Variants in SNRK observed in about 807,000 individuals in gnomAD.
The protein encoded by SNRK is SNF-related serine/threonine-protein kinase.
In SNRK, 3 loss-of-function variants were observed where a neutral mutation model predicts 48.2. The observed-to-expected ratio is 0.06, with a 90% confidence interval of 0.03 to 0.16. SNRK has a LOEUF of 0.16. Ranked by LOEUF, SNRK falls within the 10% of genes least tolerant of loss-of-function variation. SNRK has a pLI of 1.00. For missense variants in SNRK, 627 were observed against 976.0 expected (o/e 0.64, Z 4.76); for synonymous variants, 376 against 366.1 (o/e 1.03, Z -0.31).
In SNRK at chr3:43,347,315, C is replaced by T. The variant is rs547883631; in HGVS notation, c.1080-24C>T. 3.9e-6 allele frequency: 6 copies of T among 1,521,848 alleles called. No homozygotes were observed. The highest frequency in any genetic ancestry group is 1.4e-5 in the African/African-American group (1 of 71,854). The allele number at this position is 1,521,848 out of a possible 1,614,324, so 94.3% of individuals were successfully genotyped here. ...TGCATAATGATTATATGGCTTTTTT[C>T]CCCCCAATCTATCTGTTACATAGGC... On this transcript the variant is annotated intron_variant, in intron 6 of 6. Coordinates refer to ENST00000296088, the MANE Select transcript of SNRK (RefSeq NM_017719.5). The surrounding 1 kb of genome is among the most constrained non-coding windows in gnomAD (Gnocchi z 5.4).
intron 4 of SNRK, among the ~76,000 whole-genome samples, chr3:43,337,457 G>A (rs1235436695): frequency 6.6e-6 from 1 of 151,874 alleles, no homozygotes; most frequent in Non-Finnish European, 1.5e-5. Flanking sequence ...GTCTCACCCT[G>A]TCACCCAGGC....
intron 3 of SNRK, among the ~76,000 whole-genome samples, chr3:43,317,994 A>T (rs2091026023): frequency 6.6e-6 from 1 of 152,212 alleles, no homozygotes; most frequent in African/African-American, 2.4e-5. Flanking sequence ...TCACTGTCTC[A>T]GTGCTGCTGC....
chr3:43,340,056 A>T (rs908349869), intron 4 of SNRK, among the ~76,000 whole-genome samples: 5 of 151,584 alleles, frequency 3.3e-5, no homozygotes, highest in African/African-American at 1.2e-4. Flanking sequence ...TCTGGATGAT[A>T]GGGAGCTCTT....
chr3:43,309,639 T>G (rs1353354527), intron 3 of SNRK, among the ~76,000 whole-genome samples: 1 of 149,852 alleles, frequency 6.7e-6, no homozygotes, highest in Non-Finnish European at 1.5e-5. Flanking sequence ...TTCTTTGAGA[T>G]AGGGACTCTC....
At chr3:43,346,189 T>A (rs2091274369) in intron 6 of SNRK, among the ~76,000 whole-genome samples, 2 of 152,228 alleles carry the variant, frequency 1.3e-5, no homozygotes, top group African/African-American at 4.8e-5. Context: ...TTATGACCAC[T>A]TCAGAGAATA....
chr3:43,287,197 G>C (rs1005809232), intron 1 of SNRK, among the ~76,000 whole-genome samples: 1 of 152,182 alleles, frequency 6.6e-6, no homozygotes, highest in Non-Finnish European at 1.5e-5. Flanking sequence ...GATGTTGTCT[G>C]TAGAGAAAGG....
chr3:43,316,075 G>A (rs940341609), intron 3 of SNRK, among the ~76,000 whole-genome samples: 7 of 152,148 alleles, frequency 4.6e-5, no homozygotes, highest in African/African-American at 1.7e-4. Context: ...AAATGTTTAT[G>A]GGAGGTATTC....
chr3:43,345,724 G>C (rs567463491), intron 6 of SNRK, among the ~76,000 whole-genome samples: 1 of 152,312 alleles, frequency 6.6e-6, no homozygotes, highest in East Asian at 1.9e-4. Flanking sequence ...TTAGCTGAAA[G>C]GAGTGGTGTT....
chr3:43,293,728 A>G (rs992034064), intron 1 of SNRK, among the ~76,000 whole-genome samples: 2 of 152,060 alleles, frequency 1.3e-5, no homozygotes, highest in Non-Finnish European at 2.9e-5. Context: ...CAGCCTAGCC[A>G]ATATGGCAAA....
At chr3:43,320,956 T>C (rs1180894730) in intron 3 of SNRK, among the ~76,000 whole-genome samples, 1 of 150,380 alleles carries the variant, frequency 6.6e-6, no homozygotes, top group Non-Finnish European at 1.5e-5. Context: ...TTTAAGTTAT[T>C]ATAGCAGAAC....
At position 43,347,139 on chromosome 3, in the gene SNRK, A is replaced by G; in HGVS notation, c.1080-200A>G. On this transcript the variant is annotated intron_variant, in intron 6 of 6. Coordinates refer to ENST00000296088, the MANE Select transcript of SNRK (RefSeq NM_017719.5). The surrounding 1 kb of genome is among the most constrained non-coding windows in gnomAD (Gnocchi z 5.4). ...GTTTTCACTTGGCCAATAAGCCACA[A>G]ACTGAACCATGTTTCAAAACCACAT... is the stretch of plus-strand genomic sequence containing the variant. 1 of 510,542 alleles carries G rather than the reference A, an allele frequency of 2.0e-6. No individual in the cohort carries two copies. The highest frequency in any genetic ancestry group is 3.4e-6 in the Non-Finnish European group (1 of 297,598). 31.6% of individuals were successfully genotyped at this position (510,542 alleles called of 1,614,324 possible). A position where few individuals can be genotyped will look rare whatever the true frequency, so the allele number is the denominator to read the frequency against.
At chr3:43,330,070 A>G (rs2091134635) in intron 3 of SNRK, among the ~76,000 whole-genome samples, 1 of 152,334 alleles carries the variant, frequency 6.6e-6, no homozygotes, top group African/African-American at 2.4e-5. Flanking sequence ...TTGATGTTTT[A>G]TAGGACTTAT....
At chr3:43,327,243 G>A (rs2091103555) in intron 3 of SNRK, among the ~76,000 whole-genome samples, 2 of 152,186 alleles carry the variant, frequency 1.3e-5, no homozygotes, top group Admixed American at 6.5e-5. Context: ...TGTACAAAAA[G>A]CAAAGGTCTT....
rs772301139 is a variant in SNRK at position 43,347,627 on chromosome 3, G to C, written c.1368G>C (p.Lys456Asn). 2.5e-6 allele frequency: 4 copies of C among 1,613,826 alleles called. No individual in the cohort carries two copies. The highest frequency in any genetic ancestry group is 3.4e-6 in the Non-Finnish European group (4 of 1,180,040). Reference protein sequence around the residue: ...EEDEEEDEEDKKPMSLSTQVV... With the variant: ...EEDEEEDEEDNKPMSLSTQVV... Reference sequence around the variant, plus strand: ...ATGAAGAGGAAGATGAGGAGGACAAGAAACCCATGTCCCTCTCAACACAAG... The same window carrying C: ...ATGAAGAGGAAGATGAGGAGGACAACAAACCCATGTCCCTCTCAACACAAG... The change falls in exon 7 of 7, where the codon AAG becomes AAC. Residue 456 changes from lysine (K) to asparagine (N), a missense_variant. This residue lies in a region of SNRK where 175 missense variants were observed against 209.7 expected (regional missense o/e 0.83). Transcript: ENST00000296088. The surrounding 1 kb of genome is among the most constrained non-coding windows in gnomAD (Gnocchi z 5.4).
intron 3 of SNRK, among the ~76,000 whole-genome samples, chr3:43,319,829 G>A (rs891687523): frequency 6.6e-6 from 1 of 152,120 alleles, no homozygotes; most frequent in African/African-American, 2.4e-5. Context: ...TCCTTGCCTT[G>A]TATCTGTTAT....
intron 4 of SNRK, among the ~76,000 whole-genome samples, chr3:43,337,150 C>T (rs377758051): frequency 4.0e-5 from 6 of 151,772 alleles, no homozygotes; most frequent in Admixed American, 6.6e-5. Context: ...CTTGGCTCAC[C>T]GCAGCCTCCA....
chr3:43,347,457 A>T lies in SNRK; in HGVS notation c.1198A>T (p.Asn400Tyr). Residue 400 changes from asparagine (N) to tyrosine (Y), a missense_variant, in exon 7 of 7, where the codon AAT (asparagine) becomes TAT (tyrosine). By Grantham distance (143) the Asn-to-Tyr change is moderately radical (BLOSUM62 -2). Transcript: ENST00000296088. The surrounding 1 kb of genome is among the most constrained non-coding windows in gnomAD (Gnocchi z 5.4). ...TGCTCGGGCTGCTGACAGTGTCCTC[A>T]ATGGCCACAGGAGCAAAGGCCTGTG... ...SPARAADSVL[N>Y]GHRSKGLCDS... 1 of 1,613,974 alleles carries T rather than the reference A, an allele frequency of 6.2e-7. No individual in the cohort carries two copies. The highest frequency in any genetic ancestry group is 8.5e-7 in the Non-Finnish European group (1 of 1,179,986).
intron 5 of SNRK, among the ~76,000 whole-genome samples, chr3:43,341,440 T>C (rs1230128525): frequency 2.6e-5 from 4 of 152,214 alleles, no homozygotes; most frequent in Admixed American, 6.5e-5. Flanking sequence ...TGTGAGCCAC[T>C]GTGCCCAGCC....
intron 4 of SNRK, among the ~76,000 whole-genome samples, chr3:43,336,276 C>G (rs1026928785): frequency 1.1e-3 from 100 of 92,368 alleles, no homozygotes; most frequent in Non-Finnish European, 2.6e-3. Flanking sequence ...TCCCTCCACC[C>G]TCTCTCCCTT....
Sources: gnomAD v4.1 joint callset for allele counts (sites outside exome capture counted in the v4.1 genomes callset) on GRCh38, gnomAD v4.1.1 for gene constraint, gnomAD v4.1.1 regional missense constraint, Gnocchi (gnomAD v3.1) non-coding constraint, MANE v1.5 for transcripts, NCBI Gene and HGNC (gene_info 2026-07-23, HGNC 2026-07-21) for gene names.